Variants in GRIK2 observed in about 807,000 individuals in gnomAD.
The protein encoded by GRIK2 is glutamate ionotropic receptor kainate type subunit 2.
In GRIK2, 32 loss-of-function variants were observed where a neutral mutation model predicts 100.3. The observed-to-expected ratio is 0.32, with a 90% CI of 0.24 to 0.43. The LOEUF (loss-of-function observed/expected upper bound fraction) is 0.43. Ranked by LOEUF, GRIK2 falls within the 20% of genes least tolerant of loss-of-function variation. The probability of loss-of-function intolerance (pLI) is 1.00; values close to 1 mark genes in which losing one functional copy is unlikely to be tolerated. For missense variants in GRIK2, 843 were observed against 1,114.9 expected, an observed-to-expected ratio of 0.76 and a Z score of 3.47; for synonymous variants, 417 against 389.4, an observed-to-expected ratio of 1.07 and a Z score of -0.83.
Position 101,735,700 on chromosome 6 carries a change from G to A in GRIK2, c.951+49347G>A, listed in dbSNP as rs1264923519. Among the ~76,000 whole-genome samples, 5 of 152,232 alleles carry A rather than the reference G, an allele frequency of 3.3e-5. No individual in the cohort carries two copies. The East Asian group carries it at 9.7e-4, about 29-fold the overall frequency. On this transcript the variant is annotated intron_variant, in intron 7 of 16. Coordinates refer to ENST00000369134, the MANE Select transcript of GRIK2 (RefSeq NM_021956.5). ...CTCCTATAACACATGGGAATTATGAGAGCTATAAGATGAGATTTGAGTGAG... is the reference window on the plus strand; with the variant it reads ...CTCCTATAACACATGGGAATTATGAAAGCTATAAGATGAGATTTGAGTGAG...
intron 2 of GRIK2, among the ~76,000 whole-genome samples, chr6:101,427,363 C>A (rs947559297): frequency 9.9e-5 from 15 of 152,120 alleles, no homozygotes; most frequent in African/African-American, 3.6e-4. Context: ...CTAAATAATC[C>A]TGTTTTGGAA....
At chr6:101,946,528 TAAGAA>T (rs1032798263) in intron 14 of GRIK2, among the ~76,000 whole-genome samples, 6 of 149,970 alleles carry the variant, frequency 4.0e-5, no homozygotes, top group South Asian at 2.1e-4. Flanking sequence ...AAAAAAAAAA[TAAGAA>T]AAGAAACATT....
At chr6:101,705,957 C>T (rs1256666384) in intron 7 of GRIK2, among the ~76,000 whole-genome samples, 1 of 151,826 alleles carries the variant, frequency 6.6e-6, no homozygotes, top group Non-Finnish European at 1.5e-5. Flanking sequence ...CTTCTTGTTG[C>T]TACTGTATTA....
chr6:101,423,441 C>T (rs1054892143), intron 2 of GRIK2, among the ~76,000 whole-genome samples: 2 of 152,148 alleles, frequency 1.3e-5, no homozygotes, highest in Non-Finnish European at 2.9e-5. Context: ...CAATTTTCCA[C>T]ATTCTCGACA....
chr6:101,951,612 C>T (rs1303898617), intron 14 of GRIK2, among the ~76,000 whole-genome samples: 32 of 152,180 alleles, frequency 2.1e-4, no homozygotes, highest in Admixed American at 2.1e-3. Context: ...ATAATCCCCA[C>T]GTGTCATGGG....
intron 2 of GRIK2, among the ~76,000 whole-genome samples, chr6:101,575,334 A>G (rs1342800740): frequency 6.6e-6 from 1 of 151,952 alleles, no homozygotes; most frequent in African/African-American, 2.4e-5. Context: ...TAGCAGACCA[A>G]GTTTTTAATT....
intron 15 of GRIK2, among the ~76,000 whole-genome samples, chr6:102,046,790 C>T (rs541575673): frequency 1.3e-5 from 2 of 151,998 alleles, no homozygotes; most frequent in Non-Finnish European, 2.9e-5. Flanking sequence ...TAACATTCTC[C>T]AAGACAGGGC....
chr6:102,028,411 G>A (rs1769813942), intron 14 of GRIK2, among the ~76,000 whole-genome samples: 2 of 151,086 alleles, frequency 1.3e-5, no homozygotes, highest in Non-Finnish European at 3.0e-5. Context: ...TACAAGCCTC[G>A]GCATTTTTAT....
At chr6:101,546,113 G>A (rs1776219075) in intron 2 of GRIK2, among the ~76,000 whole-genome samples, 1 of 152,072 alleles carries the variant, frequency 6.6e-6, no homozygotes, top group Non-Finnish European at 1.5e-5. Flanking sequence ...CGACTCAAAA[G>A]TGCCTGGATT....
At chr6:102,059,723 T>TA (rs1255219345) in intron 16 of GRIK2, among the ~76,000 whole-genome samples, 9 of 150,986 alleles carry the variant, frequency 6.0e-5, no homozygotes, top group Non-Finnish European at 1.3e-4. Context: ...AATATTTGCA[T>TA]ATGTCTACTT....
rs979786408 is a variant in GRIK2 at position 101,864,069 on chromosome 6, G to A, written c.1524+4576G>A. 4.6e-5 allele frequency among the ~76,000 whole-genome samples: 7 copies of A among 151,014 alleles called. No individual in the cohort carries two copies. The South Asian group carries it at 1.3e-3, about 27-fold the overall frequency. On this transcript the variant is annotated intron_variant, in intron 11 of 16. Coordinates refer to ENST00000369134, the MANE Select transcript of GRIK2 (RefSeq NM_021956.5). ...GGAGAATGGCGTGAACCCGGGAAGCGGAGCTTGCAGTGAGCCGAGATTGCG... is the reference window on the plus strand; with the variant it reads ...GGAGAATGGCGTGAACCCGGGAAGCAGAGCTTGCAGTGAGCCGAGATTGCG...
At chr6:101,583,755 T>C (rs1778215151) in intron 2 of GRIK2, among the ~76,000 whole-genome samples, 1 of 152,080 alleles carries the variant, frequency 6.6e-6, no homozygotes, top group African/African-American at 2.4e-5. Flanking sequence ...TGCAACTGGC[T>C]TTTTTTGTCC....
At chr6:101,905,823 C>A (rs946756719) in intron 12 of GRIK2, among the ~76,000 whole-genome samples, 1 of 151,188 alleles carries the variant, frequency 6.6e-6, no homozygotes, top group African/African-American at 2.4e-5. Flanking sequence ...TTGGAATAAC[C>A]TGCCAGTCAC....
At chr6:101,909,756 A>C (rs1286081626) in intron 12 of GRIK2, among the ~76,000 whole-genome samples, 1 of 151,146 alleles carries the variant, frequency 6.6e-6, no homozygotes, top group Non-Finnish European at 1.5e-5. Flanking sequence ...ACACATACAG[A>C]TATATATGCA....
At chr6:101,828,203 G>A (rs527626957) in intron 10 of GRIK2, among the ~76,000 whole-genome samples, 2 of 151,848 alleles carry the variant, frequency 1.3e-5, no homozygotes, top group Admixed American at 1.3e-4. Flanking sequence ...TGAAATTAAG[G>A]GAGAAATTTA....
chr6:101,866,535 A>G (rs1404278501), intron 11 of GRIK2, among the ~76,000 whole-genome samples: 4 of 152,196 alleles, frequency 2.6e-5, no homozygotes, highest in Non-Finnish European at 1.5e-5. Flanking sequence ...ATTAGATATT[A>G]AAAAGATTTT....
In GRIK2 at chr6:101,446,351, T is replaced by G. The variant is rs1446650064; in HGVS notation, c.115+46959T>G. On this transcript the variant is annotated intron_variant, in intron 2 of 16. Coordinates refer to ENST00000369134, the MANE Select transcript of GRIK2 (RefSeq NM_021956.5). ...ACTTTTATGAATTTTTCATCCTTTT[T>G]ATCTATGCAGCTCATCAGTTCATTA... 2.0e-5 allele frequency among the ~76,000 whole-genome samples: 3 copies of G among 151,972 alleles called. No homozygotes were observed. The East Asian group carries it at 5.8e-4, about 29-fold the overall frequency.
intron 2 of GRIK2, among the ~76,000 whole-genome samples, chr6:101,485,915 CTTTTT>C (rs67073947): frequency 1.4e-5 from 2 of 140,976 alleles, no homozygotes; most frequent in Admixed American, 1.4e-4. Context: ...CACCATTGCG[CTTTTT>C]TTTTTTTTTA....
chr6:101,752,498 C>T (rs1776856008), intron 7 of GRIK2, among the ~76,000 whole-genome samples: 1 of 152,150 alleles, frequency 6.6e-6, no homozygotes, highest in African/African-American at 2.4e-5. Flanking sequence ...GTAGACAAAG[C>T]TGGAAAATAT....
Sources: gnomAD v4.1 joint callset for allele counts (sites outside exome capture counted in the v4.1 genomes callset) on GRCh38, gnomAD v4.1.1 for gene constraint, MANE v1.5 for transcripts, NCBI Gene and HGNC (gene_info 2026-07-23, HGNC 2026-07-21) for gene names.